The following MTTP variants were observed in gnomAD, a reference collection of about 807,000 sequenced individuals.
The protein encoded by MTTP is microsomal triglyceride transfer protein.
In MTTP, 49 loss-of-function variants were observed where a neutral mutation model predicts 90.6. The ratio of observed to expected loss-of-function variants is 0.54; its 90% CI spans 0.43 to 0.69. MTTP has a LOEUF of 0.69. Ranked by LOEUF, MTTP falls within the 30% of genes least tolerant of loss-of-function variation. The pLI is 0.00. For synonymous variants in MTTP, 347 were observed against 384.2 expected, an observed-to-expected ratio of 0.90 and a Z score of 1.13; for missense variants, 945 against 1,067.5, an observed-to-expected ratio of 0.89 and a Z score of 1.60.
At chr4:99,588,146 TTC>T (rs1725303110) in intron 3 of MTTP, among the ~76,000 whole-genome samples, 4 of 122,386 alleles carry the variant, frequency 3.3e-5, no homozygotes, top group Non-Finnish European at 7.6e-5. Context: ...AAGTATTCTC[TTC>T]TTCTAAGGCA....
intron 16 of MTTP, among the ~76,000 whole-genome samples, chr4:99,620,698 A>G (rs1187492438): frequency 6.6e-6 from 1 of 152,248 alleles, no homozygotes; most frequent in African/African-American, 2.4e-5. Flanking sequence ...TTTAGACTCC[A>G]TTTTAATATA....
intron 10 of MTTP, among the ~76,000 whole-genome samples, chr4:99,604,734 A>G: frequency 6.6e-6 from 1 of 152,138 alleles, no homozygotes; most frequent in East Asian, 1.9e-4. Context: ...ATTCAACACT[A>G]CAGGGTTATT....
chr4:99,600,567 C>G lies in MTTP; in HGVS notation c.1070C>G (p.Pro357Arg). ...CATGATTATGCCTTTTTTTATAGAC[C>G]TCAGCTGGTGGATGCTGTCACCTCT... ...ILKMENKEVL[P>R]QLVDAVTSAQ... Residue 357 changes from proline (P) to arginine (R), a missense_variant and splice_region_variant, in exon 9 of 18, where the codon CCT becomes CGT. By Grantham distance (103) the Pro-to-Arg change is moderately radical. Coordinates refer to ENST00000265517, the MANE Select transcript of MTTP (RefSeq NM_001386140.1). 3.7e-6 allele frequency: 6 copies of G among 1,613,244 alleles called. No homozygotes were observed. Among genetic ancestry groups the G allele is most frequent in the Non-Finnish European group, 5.1e-6 (6 of 1,179,516 alleles).
intron 16 of MTTP, among the ~76,000 whole-genome samples, chr4:99,619,335 C>G (rs1354861123): frequency 2.0e-5 from 3 of 152,118 alleles, no homozygotes; most frequent in Non-Finnish European, 2.9e-5. Context: ...TAAAGACATA[C>G]ATAGACAGGA....
At chr4:99,609,424 T>C (rs954545188) in intron 12 of MTTP, among the ~76,000 whole-genome samples, 3 of 152,176 alleles carry the variant, frequency 2.0e-5, no homozygotes, top group Non-Finnish European at 2.9e-5. Flanking sequence ...GGCCCACATT[T>C]CAAGGTGATT....
chr4:99,575,969 T>A (rs777584200), intron 1 of MTTP, among the ~76,000 whole-genome samples: 1 of 152,234 alleles, frequency 6.6e-6, no homozygotes, highest in Non-Finnish European at 1.5e-5. Context: ...CAGGATTTTT[T>A]GTGTAGAAAA....
Position 99,606,905 on chromosome 4 carries a change from G to A in MTTP, c.1502G>A (p.Ser501Asn). 1.2e-6 allele frequency: 2 copies of A among 1,613,774 alleles called. No homozygotes were observed. The highest frequency in any genetic ancestry group is 1.7e-6 in the Non-Finnish European group (2 of 1,179,922). ...KYAEAGEGPI[S>N]HLATTALQRY... Reference sequence around the variant, plus strand: ...GCAGAAGCAGGAGAAGGGCCCATCAGCCACCTGGCTACCACTGCTCTCCAG... The same window carrying A: ...GCAGAAGCAGGAGAAGGGCCCATCAACCACCTGGCTACCACTGCTCTCCAG... Residue 501 changes from serine (S) to asparagine (N), a missense_variant, in exon 11 of 18, where the codon AGC becomes AAC. Transcript: ENST00000265517.
At position 99,587,147 on chromosome 4, in the gene MTTP, T is replaced by A. The variant is rs866831150; in HGVS notation, c.394-2496T>A. Reference sequence around the variant, plus strand: ...GTGGCTTGAAATGCAAAATTCTGATTTCAGATTATTATTTTTTAAATGATT... The same window carrying A: ...GTGGCTTGAAATGCAAAATTCTGATATCAGATTATTATTTTTTAAATGATT... On this transcript the variant is annotated intron_variant, in intron 3 of 17. Transcript: ENST00000265517. 2.0e-5 allele frequency among the ~76,000 whole-genome samples: 3 copies of A among 152,272 alleles called. No individual in the cohort carries two copies. The South Asian group carries it at 6.2e-4, about 32-fold the overall frequency.
chr4:99,592,370 C>T (rs1725448123), intron 6 of MTTP, among the ~76,000 whole-genome samples: 1 of 152,088 alleles, frequency 6.6e-6, no homozygotes, highest in Non-Finnish European at 1.5e-5. Context: ...TTAACCTTAG[C>T]TTACTGTAAT....
chr4:99,617,361 G>T (rs1021013918), intron 15 of MTTP, among the ~76,000 whole-genome samples: 1 of 152,108 alleles, frequency 6.6e-6, no homozygotes, highest in South Asian at 2.1e-4. Flanking sequence ...TGCCGCAACC[G>T]TACTTTTTTA....
intron 15 of MTTP, among the ~76,000 whole-genome samples, chr4:99,615,800 C>T (rs1345515511): frequency 6.6e-6 from 1 of 152,220 alleles, no homozygotes. Flanking sequence ...GAACATATTT[C>T]CCTAAATGGA....
In MTTP at chr4:99,608,600, G is replaced by A. The variant is rs530057424; in HGVS notation, c.1558-166G>A. ...GATCCTCATAGATTCTATCCATGGC[G>A]TATTAGCCAGAACTAGTCACGTGGC... On this transcript the variant is annotated intron_variant, in intron 11 of 17. Transcript: ENST00000265517. 8.5e-4 allele frequency among the ~76,000 whole-genome samples: 130 copies of A among 152,308 alleles called. 1 individual carries two copies. The highest frequency in any genetic ancestry group is 1.6e-3 in the Non-Finnish European group (109 of 68,034).
intron 16 of MTTP, among the ~76,000 whole-genome samples, chr4:99,619,958 A>C (rs1220278399): frequency 2.0e-5 from 3 of 152,196 alleles, no homozygotes; most frequent in Non-Finnish European, 4.4e-5. Context: ...TACTTTCTAG[A>C]CAGAAGTTTT....
chr4:99,621,162 C>G lies in MTTP; in HGVS notation c.2444C>G (p.Ser815Cys). Residue 815 changes from serine to cysteine, a missense_variant, in exon 17 of 18, where the codon TCC becomes TGC. By Grantham distance (112) the Ser-to-Cys change is moderately radical (BLOSUM62 -1). Transcript: ENST00000265517. ...TETEAGLEFI[S>C]TVQFSQYPFL... ...ACAGAAGCAGGCTTGGAGTTTATCT[C>G]CACAGTGCAGTTTTCTCAGTACCCA... is the stretch of plus-strand genomic sequence containing the variant. 1 of 1,614,064 alleles carries G rather than the reference C, an allele frequency of 6.2e-7. No homozygotes were observed. Among genetic ancestry groups the G allele is most frequent in the Non-Finnish European group, 8.5e-7 (1 of 1,179,962 alleles).
intron 8 of MTTP, among the ~76,000 whole-genome samples, chr4:99,599,690 C>A (rs1283727959): frequency 6.6e-6 from 1 of 152,128 alleles, no homozygotes; most frequent in Non-Finnish European, 1.5e-5. Flanking sequence ...AGAGATTAGA[C>A]ACATAAAATT....
At chr4:99,601,292 T>G (rs1004354781) in intron 9 of MTTP, among the ~76,000 whole-genome samples, 1 of 151,000 alleles carries the variant, frequency 6.6e-6, no homozygotes, top group African/African-American at 2.4e-5. Context: ...TTTTTACTCA[T>G]ACATAAAATT....
Position 99,611,312 on chromosome 4 carries a change from C to A in MTTP, c.1868-20C>A. On this transcript the variant is annotated intron_variant, in intron 13 of 17. Coordinates refer to ENST00000265517, the MANE Select transcript of MTTP (RefSeq NM_001386140.1). ...CATTGCTGGAACTGCTATTAAATTA[C>A]AGTTATTGTGTGTCATCAGGTAGTC... The A allele has an allele frequency of 6.2e-7, 1 of 1,614,002 alleles. No homozygotes were observed. Among genetic ancestry groups the A allele is most frequent in the Non-Finnish European group, 8.5e-7 (1 of 1,179,938 alleles).
chr4:99,620,436 C>T (rs2110237910), intron 16 of MTTP, among the ~76,000 whole-genome samples: 1 of 152,300 alleles, frequency 6.6e-6, no homozygotes, highest in South Asian at 2.1e-4. Context: ...CCAATGCAAT[C>T]TGTTTATCCA....
At chr4:99,587,509 G>A (rs1276040733) in intron 3 of MTTP, among the ~76,000 whole-genome samples, 3 of 152,110 alleles carry the variant, frequency 2.0e-5, no homozygotes, top group Admixed American at 6.5e-5. Flanking sequence ...TAACAGATAA[G>A]CACTGAACCT....
Sources: allele counts gnomAD v4.1 joint callset (sites outside exome capture counted in the v4.1 genomes callset), GRCh38; gene constraint gnomAD v4.1.1; transcripts MANE v1.5; gene names NCBI Gene and HGNC (gene_info 2026-07-23, HGNC 2026-07-21).